The following IQGAP3 variants were observed in gnomAD, a reference collection of about 807,000 sequenced individuals.
IQGAP3 encodes IQ motif containing GTPase activating protein 3.
Under a neutral mutation model 208.2 loss-of-function variants are expected in IQGAP3, and 165 were observed. The observed-to-expected ratio is 0.79, with a 90% confidence interval of 0.70 to 0.90. The LOEUF (loss-of-function observed/expected upper bound fraction) is 0.90, where lower values mean the gene tolerates loss of function less well. Among genes scored for constraint, IQGAP3 ranks in the 40% least tolerant of loss-of-function variants. The probability of loss-of-function intolerance (pLI) is 0.00; values close to 1 mark genes in which losing one functional copy is unlikely to be tolerated. For synonymous variants in IQGAP3, 703 were observed against 803.6 expected, an observed-to-expected ratio of 0.87 and a Z score of 2.12; for missense variants, 1,811 against 2,043.1, an observed-to-expected ratio of 0.89 and a Z score of 2.19.
intron 2 of IQGAP3, among the ~76,000 whole-genome samples, chr1:156,566,860 GCT>G (rs1557947733): frequency 3.5e-5 from 5 of 142,182 alleles, no homozygotes; most frequent in African/African-American, 5.3e-5. Context: ...CTAGTTACAT[GCT>G]TTTTTTTTTT....
chr1:156,527,388 G>A (rs1674142782), intron 37 of IQGAP3, among the ~76,000 whole-genome samples: 2 of 152,006 alleles, frequency 1.3e-5, no homozygotes, highest in African/African-American at 4.8e-5. Context: ...TGAGGCAGGA[G>A]AATCGCTTGA....
rs746313072 is a variant in IQGAP3 at position 156,562,031 on chromosome 1, T to C, written c.878-30A>G. Reference sequence around the variant, plus strand: ...AAAAAAATGACTCCATAATGGACAGTGTGAGAAAGCCACCTCTCATAATCC... The same window carrying C: ...AAAAAAATGACTCCATAATGGACAGCGTGAGAAAGCCACCTCTCATAATCC... On this transcript the variant is annotated intron_variant, in intron 9 of 37. Coordinates refer to ENST00000361170, the MANE Select transcript of IQGAP3 (RefSeq NM_178229.5). 9 of 1,563,588 alleles carry C rather than the reference T, an allele frequency of 5.8e-6. No individual in the cohort carries two copies. In the Admixed American group the frequency reaches 1.5e-4, roughly 26 times the overall value.
intron 16 of IQGAP3, among the ~76,000 whole-genome samples, chr1:156,549,676 C>G (rs148254826): frequency 6.6e-6 from 1 of 151,934 alleles, no homozygotes; most frequent in East Asian, 1.9e-4. Context: ...GGCAGAGGAC[C>G]CTGGGACAGT....
At chr1:156,527,823 C>A in intron 37 of IQGAP3, 129 bp downstream of exon 37, 1 of 645,694 alleles carries the variant, frequency 1.5e-6, no homozygotes, top group Non-Finnish European at 2.8e-6. Context: ...CAGGAACAGA[C>A]GATACTGATT....
At chr1:156,530,429 A>C in intron 33 of IQGAP3, 112 bp from the exon 34 acceptor site, 1 of 873,164 alleles carries the variant, frequency 1.1e-6, no homozygotes, top group Non-Finnish European at 1.8e-6. Flanking sequence ...ATTTTTCTGC[A>C]TATCATTAAG....
intron 26 of IQGAP3, among the ~76,000 whole-genome samples, chr1:156,538,210 G>T (rs912597510): frequency 6.6e-6 from 1 of 152,132 alleles, no homozygotes; most frequent in Non-Finnish European, 1.5e-5. Flanking sequence ...ACAGGTGCCT[G>T]CCACCACGCC....
At chr1:156,539,102 T>C (rs1674854723) in intron 25 of IQGAP3, 69 bp from the exon 26 acceptor site, 4 of 1,425,272 alleles carry the variant, frequency 2.8e-6, no homozygotes, top group Middle Eastern at 1.7e-4. Context: ...CTTTTCCTTT[T>C]TGAGATTTTG....
At chr1:156,531,610 T>G (rs1174177652) in intron 32 of IQGAP3, among the ~76,000 whole-genome samples, 1 of 149,856 alleles carries the variant, frequency 6.7e-6, no homozygotes, top group Non-Finnish European at 1.5e-5. Context: ...CTTGTTTTTT[T>G]TTTTTTTTTT....
Position 156,527,810 on chromosome 1 carries a change from C to T in IQGAP3, c.4782+142G>A, listed in dbSNP as rs1284051608. On this transcript the variant is annotated intron_variant, in intron 37 of 37. Coordinates refer to ENST00000361170, the MANE Select transcript of IQGAP3 (RefSeq NM_178229.5). ...GGGCTGCACAGACCCCCACCCTTCT[C>T]TTCAGGAACAGACGATACTGATTGG... The T allele has an allele frequency of 9.7e-6, 6 of 620,630 alleles. No homozygotes were observed. In the Admixed American group the frequency reaches 1.1e-4, roughly 11 times the overall value. The allele number at this position is 620,630 out of a possible 1,614,324, so 38.4% of individuals were successfully genotyped here. A position where few individuals can be genotyped will look rare whatever the true frequency, so the allele number is the denominator to read the frequency against.
rs1676694507 is a variant in IQGAP3, at chr1:156,572,531, T to G, written c.-2A>C. 1 of 1,612,670 alleles carries G rather than the reference T, an allele frequency of 6.2e-7. No homozygotes were observed. The highest frequency in any genetic ancestry group is 2.2e-5 in the East Asian group (1 of 44,862). On this transcript the variant is annotated 5_prime_UTR_variant, in exon 1 of 38. Transcript: ENST00000361170. ...TGGGCCCGCTGCTCTCCTCTCCATG[T>G]TCCTCCTTCTTCCAGGTTTGAATCT...
At chr1:156,570,123 C>T (rs545294893) in intron 1 of IQGAP3, among the ~76,000 whole-genome samples, 2 of 152,316 alleles carry the variant, frequency 1.3e-5, no homozygotes, top group South Asian at 2.1e-4. Flanking sequence ...GTGTCATCCT[C>T]GTTGGTTACT....
Position 156,534,717 on chromosome 1 carries a change from A to C in IQGAP3, c.3524T>G (p.Leu1175Arg), listed in dbSNP as rs1193721516. The C allele has an allele frequency of 3.2e-6, 5 of 1,580,046 alleles. No individual in the cohort carries two copies. The highest frequency in any genetic ancestry group is 2.3e-5 in the East Asian group (1 of 44,098). Residue 1175 changes from leucine (L) to arginine (R), a missense_variant, in exon 29 of 38, where the codon CTG becomes CGG. Transcript: ENST00000361170. ...AGCTGGGTTCAGGAAGCGGTAGTAC[A>C]GGAGGTTCCCGACCACCTGAGGGCA... is the stretch of plus-strand genomic sequence containing the variant. ...SEVYKVVGNLLYYRFLNPAVV... is the reference protein window; with the variant it reads ...SEVYKVVGNLRYYRFLNPAVV...
In IQGAP3 at chr1:156,534,371, C is replaced by G; in HGVS notation, c.3740+130G>C. ...TGGGGAGTCCTTCCAACAACCTATC[C>G]TCCACCCCGCTCATTATGCTCATCC... is the stretch of plus-strand genomic sequence containing the variant. On this transcript the variant is annotated intron_variant, in intron 29 of 37. Transcript: ENST00000361170. The G allele has an allele frequency of 5.5e-6, 5 of 906,926 alleles. No individual in the cohort carries two copies. In the South Asian group the frequency reaches 8.6e-5, roughly 16 times the overall value. 56.2% of individuals were successfully genotyped at this position (906,926 alleles called of 1,614,324 possible).
chr1:156,536,361 T>G (rs1243122513), intron 27 of IQGAP3, among the ~76,000 whole-genome samples: 1 of 137,836 alleles, frequency 7.3e-6, no homozygotes, highest in Admixed American at 7.4e-5. Context: ...GTGACATACA[T>G]AAGCCAAACA....
intron 1 of IQGAP3, among the ~76,000 whole-genome samples, chr1:156,570,232 C>A (rs1057468581): frequency 3.3e-5 from 5 of 152,128 alleles, no homozygotes; most frequent in Non-Finnish European, 7.4e-5. Flanking sequence ...ACTAGCAGAC[C>A]CCTACTCTTA....
intron 27 of IQGAP3, 36 bp downstream of exon 27, chr1:156,537,145 C>G (rs934942713): frequency 6.3e-7 from 1 of 1,598,196 alleles, no homozygotes; most frequent in Non-Finnish European, 8.5e-7. Flanking sequence ...CTCTTGAAAT[C>G]CCATGCGTAG....
chr1:156,533,723 C>T (rs1421413399), intron 31 of IQGAP3, 50 bp downstream of exon 31: 19 of 1,475,122 alleles, frequency 1.3e-5, no homozygotes, highest in Non-Finnish European at 1.8e-5. Flanking sequence ...CCTGTCCCTC[C>T]CTCCATGCAG....
At chr1:156,548,327 C>G (rs1286229915) in intron 18 of IQGAP3, 21 bp downstream of exon 18, 2 of 1,611,742 alleles carry the variant, frequency 1.2e-6, no homozygotes, top group Non-Finnish European at 1.7e-6. Context: ...GATCCCCTAC[C>G]CTTGCAGGGG....
chr1:156,539,655 C>G (rs1674881594), intron 24 of IQGAP3, 118 bp from the exon 25 acceptor site: 1 of 1,232,674 alleles, frequency 8.1e-7, no homozygotes, highest in African/African-American at 1.5e-5. Flanking sequence ...ACCACACTTT[C>G]TCCAGGTGCT....
Sources: allele counts gnomAD v4.1 joint callset (sites outside exome capture counted in the v4.1 genomes callset), GRCh38; gene constraint gnomAD v4.1.1; transcripts MANE v1.5; gene names NCBI Gene and HGNC (gene_info 2026-07-23, HGNC 2026-07-21).